Variants in GRIK2 observed in about 807,000 individuals in gnomAD.
GRIK2 encodes glutamate receptor ionotropic, kainate 2.
Under a neutral mutation model 100.3 loss-of-function variants are expected in GRIK2, and 32 were observed. The ratio of observed to expected loss-of-function variants is 0.32; its 90% CI spans 0.24 to 0.43. The LOEUF (loss-of-function observed/expected upper bound fraction) is 0.43. Ranked by LOEUF, GRIK2 falls within the 20% of genes least tolerant of loss-of-function variation. The pLI is 1.00. For missense variants in GRIK2, 843 were observed against 1,114.9 expected (o/e 0.76, Z 3.47); for synonymous variants, 417 against 389.4 (o/e 1.07, Z -0.83).
At chr6:101,397,017 T>G (rs895957829) in intron 1 of GRIK2, among the ~76,000 whole-genome samples, 1 of 152,166 alleles carries the variant, frequency 6.6e-6, no homozygotes, top group Non-Finnish European at 1.5e-5. Flanking sequence ...CCCCCCAAAA[T>G]AAATAGTTTA....
chr6:102,064,278 T>C (rs1388742832), intron 16 of GRIK2, among the ~76,000 whole-genome samples: 2 of 149,922 alleles, frequency 1.3e-5, no homozygotes, highest in Non-Finnish European at 3.0e-5. Context: ...CTCCTTCTCC[T>C]TCTCTTCTCC....
chr6:102,045,143 A>G (rs550828646), intron 15 of GRIK2, among the ~76,000 whole-genome samples: 1 of 152,212 alleles, frequency 6.6e-6, no homozygotes, highest in South Asian at 2.1e-4. Flanking sequence ...ATAATGGTGA[A>G]CAATATAACC....
intron 2 of GRIK2, among the ~76,000 whole-genome samples, chr6:101,456,754 T>C (rs1195738444): frequency 6.6e-6 from 1 of 152,078 alleles, no homozygotes. Context: ...TTATACATCT[T>C]GGATTATTGC....
intron 12 of GRIK2, 70 bp from the exon 13 acceptor site, chr6:101,924,531 C>G: frequency 1.2e-6 from 1 of 814,586 alleles, no homozygotes; most frequent in Non-Finnish European, 2.1e-6. Flanking sequence ...TCTTTTGCAG[C>G]AAAAAATGCT....
At chr6:101,873,519 T>A (rs9322614) in intron 11 of GRIK2, among the ~76,000 whole-genome samples, 139,561 of 151,886 alleles carry the variant, frequency 0.92, 64,257 homozygotes, top group East Asian at 0.98. Context: ...AGTTGGTTCC[T>A]AGTCTTTGCT....
chr6:101,836,001 T>C (rs1463540242), intron 10 of GRIK2, among the ~76,000 whole-genome samples: 1 of 121,440 alleles, frequency 8.2e-6, no homozygotes, highest in East Asian at 4.5e-4. Flanking sequence ...CTGAGAAAGG[T>C]TGCTGAGTAC....
intron 12 of GRIK2, among the ~76,000 whole-genome samples, chr6:101,909,789 AATAG>A (rs552802379): frequency 6.6e-6 from 1 of 151,248 alleles, no homozygotes; most frequent in South Asian, 2.1e-4. Context: ...GAACACAATG[AATAG>A]ATATATATAG....
intron 14 of GRIK2, among the ~76,000 whole-genome samples, chr6:102,007,287 G>A (rs779365958): frequency 6.6e-6 from 1 of 152,060 alleles, no homozygotes; most frequent in Admixed American, 6.6e-5. Flanking sequence ...GAAATGGGAG[G>A]AAATGAGACC....
chr6:101,901,917 G>A (rs1787871561), intron 12 of GRIK2, among the ~76,000 whole-genome samples: 2 of 151,962 alleles, frequency 1.3e-5, no homozygotes, highest in East Asian at 3.9e-4. Flanking sequence ...TTATTACAAT[G>A]TTAGGTACAA....
chr6:101,434,737 C>G (rs538183643), intron 2 of GRIK2, among the ~76,000 whole-genome samples: 2 of 152,218 alleles, frequency 1.3e-5, no homozygotes, highest in East Asian at 3.9e-4. Context: ...CACACCCGGT[C>G]CCTCATGGTG....
At chr6:102,023,027 G>A (rs1054719662) in intron 14 of GRIK2, among the ~76,000 whole-genome samples, 3 of 151,460 alleles carry the variant, frequency 2.0e-5, no homozygotes, top group Non-Finnish European at 3.0e-5. Context: ...TTAGAGTGTT[G>A]CAAGAATGCA....
At chr6:101,566,032 G>A (rs1777255590) in intron 2 of GRIK2, among the ~76,000 whole-genome samples, 1 of 149,996 alleles carries the variant, frequency 6.7e-6, no homozygotes, top group Non-Finnish European at 1.5e-5. Context: ...TAAGTAGATA[G>A]TGGATCATTG....
At chr6:101,960,540 T>C (rs1792232389) in intron 14 of GRIK2, among the ~76,000 whole-genome samples, 1 of 152,192 alleles carries the variant, frequency 6.6e-6, no homozygotes, top group African/African-American at 2.4e-5. Context: ...TAATGTATGT[T>C]GTGTAGGGCT....
chr6:101,724,436 A>G (rs910962488), intron 7 of GRIK2, among the ~76,000 whole-genome samples: 3 of 151,912 alleles, frequency 2.0e-5, no homozygotes, highest in Non-Finnish European at 2.9e-5. Flanking sequence ...ATAAGTGAGA[A>G]CATGTGGTAC....
intron 9 of GRIK2, 53 bp downstream of exon 9, chr6:101,802,491 A>G (rs184805269): frequency 1.6e-4 from 115 of 708,226 alleles, no homozygotes; most frequent in Middle Eastern, 1.0e-3. Flanking sequence ...TATCTCAAAG[A>G]AGACAAATAT....
chr6:101,532,074 G>A (rs1775468833), intron 2 of GRIK2, among the ~76,000 whole-genome samples: 1 of 151,672 alleles, frequency 6.6e-6, no homozygotes, highest in African/African-American at 2.4e-5. Context: ...AATTTCTCAG[G>A]TTACAAATCA....
chr6:101,452,461 A>AT (rs1562147880), intron 2 of GRIK2, among the ~76,000 whole-genome samples: 1 of 149,128 alleles, frequency 6.7e-6, no homozygotes, highest in Non-Finnish European at 1.5e-5. Context: ...TTTTTTTTTC[A>AT]TTTTTTAAAA....
chr6:101,713,733 A>G (rs1270253252), intron 7 of GRIK2, among the ~76,000 whole-genome samples: 2 of 151,948 alleles, frequency 1.3e-5, no homozygotes, highest in East Asian at 3.9e-4. Flanking sequence ...TGATTTGGAT[A>G]GAAATAGTCA....
intron 2 of GRIK2, among the ~76,000 whole-genome samples, chr6:101,559,292 T>G (rs1776888455): frequency 6.6e-6 from 1 of 152,132 alleles, no homozygotes; most frequent in Non-Finnish European, 1.5e-5. Flanking sequence ...TTTCAAAATC[T>G]TCCATATTAT....
Sources: gnomAD v4.1 joint callset for allele counts (sites outside exome capture counted in the v4.1 genomes callset) on GRCh38, gnomAD v4.1.1 for gene constraint, MANE v1.5 for transcripts, NCBI Gene and HGNC (gene_info 2026-07-23, HGNC 2026-07-21) for gene names.